The following KLHL23 variants were observed in gnomAD, a reference collection of about 807,000 sequenced individuals.
KLHL23 encodes kelch-like protein 23.
In KLHL23, 33 loss-of-function variants were observed where a neutral mutation model predicts 48.9. The observed-to-expected ratio is 0.67, with a 90% CI of 0.51 to 0.90. The LOEUF (loss-of-function observed/expected upper bound fraction) is 0.90, where lower values mean the gene tolerates loss of function less well. Ranked by LOEUF, KLHL23 falls within the 40% of genes least tolerant of loss-of-function variation. The pLI is 0.00. For missense variants in KLHL23, 608 were observed against 669.6 expected (o/e 0.91, Z 1.02); for synonymous variants, 234 against 231.6 (o/e 1.01, Z -0.09).
intron 2 of KLHL23, among the ~76,000 whole-genome samples, chr2:169,739,837 C>A (rs12997967): frequency 6.6e-6 from 1 of 152,282 alleles, no homozygotes; most frequent in African/African-American, 2.4e-5. Context: ...TAATACACAC[C>A]TAGGCTGTGT....
rs1270886998 is a variant in KLHL23 at position 169,735,983 on chromosome 2, T to C, written c.969T>C (p.Tyr323=). 6.2e-7 allele frequency: 1 copy of C among 1,614,094 alleles called. No homozygotes were observed. The highest frequency in any genetic ancestry group is 2.2e-5 in the East Asian group (1 of 44,884). The part of the protein sequence containing the change: ...YGVTCLGPNI[Y]VTGGYRTDNI... Reference sequence around the variant, plus strand: ...TTACATGTTTAGGACCCAACATTTATGTAACTGGGGGCTACAGGACGGATA... The same window carrying C: ...TTACATGTTTAGGACCCAACATTTACGTAACTGGGGGCTACAGGACGGATA... Residue 323 remains tyrosine, a synonymous_variant, in exon 2 of 4, where the codon TAT becomes TAC. Coordinates refer to ENST00000392647, the MANE Select transcript of KLHL23 (RefSeq NM_144711.6). The surrounding 1 kb of genome is among the most constrained non-coding windows in gnomAD (Gnocchi z 4.5).
Position 169,741,531 on chromosome 2 carries a change from C to T in KLHL23, c.1360C>T (p.His454Tyr). The T allele has an allele frequency of 6.2e-7, 1 of 1,612,282 alleles. No homozygotes were observed. The highest frequency in any genetic ancestry group is 8.5e-7 in the Non-Finnish European group (1 of 1,178,912). ...ATGGAGCCTCATCACCTCCAGTCCA[C>T]ATCCAGGTAACAAAAATACTGTCTC... ...NEWSLITSSP[H>Y]PEYGLCSVPF... The change falls in exon 3 of 4, where the codon CAT becomes TAT. Residue 454 changes from histidine (H) to tyrosine (Y), a missense_variant. His to Tyr is a moderately conservative substitution (Grantham distance 83). Around this residue, in one of 3 missense-constraint regions of KLHL23, gnomAD observed 179 missense variants for 169.9 expected, o/e 1.05. Transcript: ENST00000392647.
At chr2:169,748,856 G>C (rs1574530620) in intron 3 of KLHL23, among the ~76,000 whole-genome samples, 1 of 147,716 alleles carries the variant, frequency 6.8e-6, no homozygotes, top group Middle Eastern at 3.6e-3. Flanking sequence ...ACCCTTCACA[G>C]CTTCTCAGGA....
intron 3 of KLHL23, among the ~76,000 whole-genome samples, chr2:169,748,291 C>T (rs1688845323): frequency 6.6e-6 from 1 of 152,174 alleles, no homozygotes; most frequent in Non-Finnish European, 1.5e-5. Context: ...AGGAAGGACG[C>T]AGCTGTGCAG....
Position 169,736,100 on chromosome 2 carries a change from C to T in KLHL23, c.1086C>T (p.His362=). Residue 362 remains histidine (H), a synonymous_variant, in exon 2 of 4, where the codon CAC becomes CAT. Transcript: ENST00000392647. ...CAATGCTCAATGCCAGGTATTACCACTGTGCAGTCACCTTGGGTGGCTGTG... is the reference window on the plus strand; with the variant it reads ...CAATGCTCAATGCCAGGTATTACCATTGTGCAGTCACCTTGGGTGGCTGTG... ...GLPMLNARYY[H]CAVTLGGCVY... is the part of the protein sequence containing the mutation. The T allele has an allele frequency of 1.9e-6, 3 of 1,614,180 alleles. No homozygotes were observed. The highest frequency in any genetic ancestry group is 2.5e-6 in the Non-Finnish European group (3 of 1,180,036).
intron 2 of KLHL23, among the ~76,000 whole-genome samples, chr2:169,739,886 C>T (rs925815855): frequency 5.9e-5 from 9 of 152,184 alleles, no homozygotes; most frequent in African/African-American, 2.2e-4. Context: ...ACCTGTACAG[C>T]ATGTTACTAT....
At chr2:169,742,078 T>C (rs1188757573) in intron 3 of KLHL23, among the ~76,000 whole-genome samples, 1 of 152,238 alleles carries the variant, frequency 6.6e-6, no homozygotes, top group African/African-American at 2.4e-5. Flanking sequence ...AGGAATGGCC[T>C]ACCTTCTTGG....
chr2:169,749,458 T>A lies in KLHL23; in HGVS notation c.1403T>A (p.Leu468His). 1 of 1,613,632 alleles carries A rather than the reference T, an allele frequency of 6.2e-7. No homozygotes were observed. The highest frequency in any genetic ancestry group is 1.1e-5 in the South Asian group (1 of 91,060). Residue 468 changes from leucine (L) to histidine (H), a missense_variant, in exon 4 of 4, where the codon CTC becomes CAC. Leu to His is a moderately conservative substitution (Grantham distance 99). This residue lies in a region of KLHL23 where 179 missense variants were observed against 169.9 expected (regional missense o/e 1.05). Coordinates refer to ENST00000392647, the MANE Select transcript of KLHL23 (RefSeq NM_144711.6). ...TGCTCAGTTCCGTTTGAAAATAAGCTCTATCTAGTCGGCGGACAAACTACA... is the reference window on the plus strand; with the variant it reads ...TGCTCAGTTCCGTTTGAAAATAAGCACTATCTAGTCGGCGGACAAACTACA... ...GLCSVPFENK[L>H]YLVGGQTTIT...
At chr2:169,734,518 G>A (rs1452376845) in intron 1 of KLHL23, among the ~76,000 whole-genome samples, 1 of 152,136 alleles carries the variant, frequency 6.6e-6, no homozygotes, top group African/African-American at 2.4e-5. Context: ...CCTTCCTTAA[G>A]CGAAAGGGCT....
At chr2:169,734,985 C>T (rs1688475525) in intron 1 of KLHL23, 28 bp from the exon 2 acceptor site, 2 of 1,512,958 alleles carry the variant, frequency 1.3e-6, no homozygotes, top group African/African-American at 1.4e-5. Flanking sequence ...ACATTGAAAA[C>T]ACATTTGTTA....
intron 1 of KLHL23, among the ~76,000 whole-genome samples, 193 bp from the exon 2 acceptor site, chr2:169,734,820 C>A (rs1279144486): frequency 6.6e-6 from 1 of 152,130 alleles, no homozygotes; most frequent in Non-Finnish European, 1.5e-5. Context: ...TTTCAAGCTC[C>A]GAGCTACCCT....
chr2:169,749,968 T>TATATGTGTATATATAC lies in KLHL23; in HGVS notation c.*240_*241insGTGTATATATACATAT, dbSNP rs74199882. ...ATATGTGTTCATATATATGTATACA[T>TATATGTGTATATATAC]ATATATGTGTATATATACGTATGTA... On this transcript the variant is annotated 3_prime_UTR_variant, in exon 4 of 4. Coordinates refer to ENST00000392647, the MANE Select transcript of KLHL23 (RefSeq NM_144711.6). 7.4e-6 allele frequency: 1 copy of TATATGTGTATATATAC among 135,808 alleles called. No homozygotes were observed. The highest frequency in any genetic ancestry group is 7.1e-5 in the Admixed American group (1 of 14,146). The allele number at this position is 135,808 out of a possible 1,614,324, so 8.4% of individuals were successfully genotyped here.
At position 169,750,096 on chromosome 2, in the gene KLHL23, G is replaced by GTATATATACGTGTGTA. The variant is rs1558952641; in HGVS notation, c.*365_*366insATATATACGTGTGTAT. Reference sequence around the variant, plus strand: ...TATACGTATGTATGTATACATATATGTGTATACATATATATGTGTGTATAT... The same window carrying GTATATATACGTGTGTA: ...TATACGTATGTATGTATACATATATGTATATATACGTGTGTATGTATACATATATATGTGTGTATAT... On this transcript the variant is annotated 3_prime_UTR_variant, in exon 4 of 4. Coordinates refer to ENST00000392647, the MANE Select transcript of KLHL23 (RefSeq NM_144711.6). 9.6e-6 allele frequency: 1 copy of GTATATATACGTGTGTA among 103,718 alleles called. No homozygotes were observed. The highest frequency in any genetic ancestry group is 1.1e-4 in the Admixed American group (1 of 9,096). 6.4% of individuals were successfully genotyped at this position (103,718 alleles called of 1,614,324 possible). A position where few individuals can be genotyped will look rare whatever the true frequency, so the allele number is the denominator to read the frequency against.
At chr2:169,738,596 A>C (rs964546593) in intron 2 of KLHL23, among the ~76,000 whole-genome samples, 3 of 152,162 alleles carry the variant, frequency 2.0e-5, no homozygotes, top group African/African-American at 7.2e-5. Flanking sequence ...TGTACAGAGA[A>C]TAAATAAATA....
At chr2:169,747,711 A>G (rs1414908764) in intron 3 of KLHL23, among the ~76,000 whole-genome samples, 1 of 152,184 alleles carries the variant, frequency 6.6e-6, no homozygotes, top group Admixed American at 6.5e-5. Flanking sequence ...TACAAAGTAC[A>G]ATTCATTCAT....
At chr2:169,747,464 CTTT>C (rs145417361) in intron 3 of KLHL23, among the ~76,000 whole-genome samples, 41,457 of 125,182 alleles carry the variant, frequency 0.33, 7,220 homozygotes, top group African/African-American at 0.45. Context: ...GAGGAAATCA[CTTT>C]TTTTTTTTTT....
In KLHL23 at chr2:169,749,757, A is replaced by C. The variant is rs559976092; in HGVS notation, c.*25A>C. On this transcript the variant is annotated 3_prime_UTR_variant, in exon 4 of 4. Coordinates refer to ENST00000392647, the MANE Select transcript of KLHL23 (RefSeq NM_144711.6). Reference sequence around the variant, plus strand: ...ATTGAATCTGCAGAAATGACCAAGCAATCACTTTTTTGGAGTATAGTTTTA... The same window carrying C: ...ATTGAATCTGCAGAAATGACCAAGCCATCACTTTTTTGGAGTATAGTTTTA... 12 of 1,564,062 alleles carry C rather than the reference A, an allele frequency of 7.7e-6. No homozygotes were observed. The African/African-American group carries it at 1.6e-4, about 21-fold the overall frequency.
At chr2:169,749,271 C>T (rs899182448) in intron 3 of KLHL23, 151 bp from the exon 4 acceptor site, 62 of 769,068 alleles carry the variant, frequency 8.1e-5, no homozygotes, top group Middle Eastern at 3.9e-4. Context: ...TCAGCCTCAG[C>T]GTTGCAGTAT....
In KLHL23 at chr2:169,747,240, C is replaced by T. The variant is rs572611572; in HGVS notation, c.1367-2182C>T. On this transcript the variant is annotated intron_variant, in intron 3 of 3. Transcript: ENST00000392647. ...TTAGCCAGGCATGGTGGTGCGCACC[C>T]GTAATCTCAGCTACAGTGCACACCT... Among the ~76,000 whole-genome samples the T allele has an allele frequency of 1.6e-4, 25 of 151,718 alleles. No individual in the cohort carries two copies. In the South Asian group the frequency reaches 2.3e-3, roughly 14 times the overall value.
Sources: gnomAD v4.1 joint callset for allele counts (sites outside exome capture counted in the v4.1 genomes callset) on GRCh38, gnomAD v4.1.1 for gene constraint, gnomAD v4.1.1 regional missense constraint, Gnocchi (gnomAD v3.1) non-coding constraint, MANE v1.5 for transcripts, NCBI Gene and HGNC (gene_info 2026-07-23, HGNC 2026-07-21) for gene names.